PIEZO2: variants seen among roughly 807,000 people sequenced by gnomAD.
PIEZO2 encodes piezo-type mechanosensitive ion channel component 2.
In PIEZO2, 172 loss-of-function variants were observed where a neutral mutation model predicts 337.3. That is an observed-to-expected ratio of 0.51 (90% CI 0.45 to 0.58). PIEZO2 has a LOEUF of 0.58. Among genes scored for constraint, PIEZO2 ranks in the 20% least tolerant of loss-of-function variants. The pLI, the probability that PIEZO2 is intolerant of heterozygous loss-of-function variation, is 0.00. For synonymous variants in PIEZO2, 1,251 were observed against 1,228.5 expected (o/e 1.02, Z -0.38); for missense variants, 3,028 against 3,391.3 (o/e 0.89, Z 2.66).
chr18:11,122,571 T>C (rs1175217636), intron 1 of PIEZO2, among the ~76,000 whole-genome samples: 5 of 152,216 alleles, frequency 3.3e-5, no homozygotes, highest in Non-Finnish European at 1.5e-5. Flanking sequence ...CAATAATGCA[T>C]AGAAAAAAAC....
intron 7 of PIEZO2, among the ~76,000 whole-genome samples, chr18:10,841,098 C>T (rs923721480): frequency 9.9e-5 from 15 of 152,228 alleles, no homozygotes; most frequent in African/African-American, 3.6e-4. Context: ...AATTTTATTT[C>T]TTGTTCAGGT....
At chr18:10,965,727 ACC>A (rs2033969350) in intron 3 of PIEZO2, among the ~76,000 whole-genome samples, 3 of 152,310 alleles carry the variant, frequency 2.0e-5, no homozygotes, top group Admixed American at 2.0e-4. Flanking sequence ...AATCAAAACC[ACC>A]CAGGGAAAGA....
At chr18:10,968,770 G>A (rs957676743) in intron 3 of PIEZO2, among the ~76,000 whole-genome samples, 4 of 151,958 alleles carry the variant, frequency 2.6e-5, no homozygotes, top group South Asian at 2.1e-4. Flanking sequence ...TTACATTAAC[G>A]TTTGATATAA....
chr18:10,795,489 A>T lies in PIEZO2; in HGVS notation c.1528-487T>A, dbSNP rs72986064. The stretch of plus-strand genomic sequence containing the variant: ...AAAAATGGTATACTCCTGTGAGCTC[A>T]GAATGAGAGATTTGCTGCAGTTTAA... On this transcript the variant is annotated intron_variant, in intron 12 of 55. Coordinates refer to ENST00000674853, the MANE Select transcript of PIEZO2 (RefSeq NM_001378183.1). The surrounding 1 kb of genome is among the most constrained non-coding windows in gnomAD (Gnocchi z 4.4). 0.28 allele frequency among the ~76,000 whole-genome samples: 42,473 copies of T among 151,826 alleles called. 6,976 individuals are homozygous for T. The highest frequency in any genetic ancestry group is 0.41 in the Middle Eastern group (120 of 294).
intron 3 of PIEZO2, among the ~76,000 whole-genome samples, chr18:10,920,647 C>T (rs1398701311): frequency 6.6e-6 from 1 of 152,118 alleles, no homozygotes; most frequent in Non-Finnish European, 1.5e-5. Context: ...TCTGCTACTT[C>T]AGCAAGAGTA....
rs1165433456 is a variant in PIEZO2 at position 10,705,707 on chromosome 18, C to T, written c.5628G>A (p.Gly1876=). 1.3e-6 allele frequency: 2 copies of T among 1,536,354 alleles called. No homozygotes were observed. The highest frequency in any genetic ancestry group is 2.4e-5 in the East Asian group (1 of 40,900). The change falls in exon 41 of 56, where the codon GGG becomes GGA. Residue 1876 remains glycine, a synonymous_variant. Coordinates refer to ENST00000674853, the MANE Select transcript of PIEZO2 (RefSeq NM_001378183.1). ...TQCTMLYSRQ[G]TTETIEEVEA... ...CCACCTCCTCGATGGTCTCAGTGGT[C>T]CCCTGGCGTGAGTACAGCATGGTAC...
At chr18:10,996,518 A>T (rs998956641) in intron 2 of PIEZO2, among the ~76,000 whole-genome samples, 1 of 151,934 alleles carries the variant, frequency 6.6e-6, no homozygotes, top group African/African-American at 2.4e-5. Context: ...CCCCATCCCA[A>T]CCCCTGGCAA....
At chr18:10,697,095 C>G in intron 45 of PIEZO2, among the ~76,000 whole-genome samples, 1 of 152,184 alleles carries the variant, frequency 6.6e-6, no homozygotes, top group East Asian at 1.9e-4. Flanking sequence ...CTCCCCTGGC[C>G]TTTTATCTAT....
At chr18:10,694,203 T>G (rs2034986047) in intron 47 of PIEZO2, among the ~76,000 whole-genome samples, 1 of 151,724 alleles carries the variant, frequency 6.6e-6, no homozygotes, top group African/African-American at 2.4e-5. Context: ...TAATAATAAT[T>G]TTTATAATTA....
At position 10,821,507 on chromosome 18, in the gene PIEZO2, T is replaced by C. The variant is rs1360018288; in HGVS notation, c.918-14233A>G. On this transcript the variant is annotated intron_variant, in intron 7 of 55. Coordinates refer to ENST00000674853, the MANE Select transcript of PIEZO2 (RefSeq NM_001378183.1). This position sits in a 1 kb window ranked among gnomAD's most constrained non-coding sequence, Gnocchi z 4.2. The stretch of plus-strand genomic sequence containing the variant: ...CAATATTTTTATCAAAGGCTTACTA[T>C]ATATAAACACTATATGAATAATAAA... Among the ~76,000 whole-genome samples the C allele has an allele frequency of 6.6e-6, 1 of 152,234 alleles. No individual in the cohort carries two copies. The highest frequency in any genetic ancestry group is 1.5e-5 in the Non-Finnish European group (1 of 68,042).
intron 45 of PIEZO2, 98 bp from the exon 46 acceptor site, chr18:10,696,637 C>A: frequency 7.2e-7 from 1 of 1,393,976 alleles, no homozygotes; most frequent in Non-Finnish European, 9.9e-7. Flanking sequence ...CCTCTGCATT[C>A]CTCTTTCCAG....
intron 7 of PIEZO2, among the ~76,000 whole-genome samples, chr18:10,817,890 TC>T (rs2040409083): frequency 2.1e-5 from 3 of 143,144 alleles, no homozygotes; most frequent in Admixed American, 1.5e-4. Flanking sequence ...GCCACTGCAC[TC>T]CAGCCTGGGC....
intron 9 of PIEZO2, among the ~76,000 whole-genome samples, chr18:10,801,826 C>G (rs2039826747): frequency 6.6e-6 from 1 of 152,104 alleles, no homozygotes; most frequent in Non-Finnish European, 1.5e-5. Context: ...GTAGCTCACG[C>G]CTGTAATCCC....
chr18:10,811,658 T>C (rs1373400427), intron 7 of PIEZO2, among the ~76,000 whole-genome samples: 1 of 152,134 alleles, frequency 6.6e-6, no homozygotes, highest in Non-Finnish European at 1.5e-5. Context: ...AATAAGAGGG[T>C]AACAAAGGCA....
rs966150138 is a variant in PIEZO2 at position 10,828,661 on chromosome 18, C to A, written c.918-21387G>T. ...CAAATCCTTATGCCAATAATAGCAC[C>A]ATGCGGGTGGCAATACTGGTCATAT... On this transcript the variant is annotated intron_variant, in intron 7 of 55. Coordinates refer to ENST00000674853, the MANE Select transcript of PIEZO2 (RefSeq NM_001378183.1). This position sits in a 1 kb window ranked among gnomAD's most constrained non-coding sequence, Gnocchi z 4.1. 6.6e-6 allele frequency among the ~76,000 whole-genome samples: 1 copy of A among 152,126 alleles called. No homozygotes were observed. The highest frequency in any genetic ancestry group is 1.5e-5 in the Non-Finnish European group (1 of 68,026).
chr18:10,868,520 T>TGA lies in PIEZO2; in HGVS notation c.492+2731_492+2732dup, dbSNP rs533548911. Among the ~76,000 whole-genome samples the TGA allele has an allele frequency of 4.6e-3, 698 of 152,288 alleles. 1 individual carries two copies. Among genetic ancestry groups the TGA allele is most frequent in the Non-Finnish European group, 8.0e-3 (543 of 68,024 alleles). ...AACGTGACAAGAGAATAAAAATCAATGATGTAAAATAGCCCCAAACAAATG... is the reference window on the plus strand; with the variant it reads ...AACGTGACAAGAGAATAAAAATCAATGAGATGTAAAATAGCCCCAAACAAATG... On this transcript the variant is annotated intron_variant, in intron 5 of 55. Transcript: ENST00000674853.
In PIEZO2 at chr18:11,148,528, C is replaced by T; in HGVS notation, c.61G>A (p.Val21Ile). 1 of 1,537,226 alleles carries T rather than the reference C, an allele frequency of 6.5e-7. No individual in the cohort carries two copies. The highest frequency in any genetic ancestry group is 8.7e-7 in the Non-Finnish European group (1 of 1,146,916). ...FRLLLPICLA[V>I]ACAFRYNGLS... ...TCGGAAAGCGGACCAGACTCACCTA[C>T]TGCCAGGCAGATGGGCAGCAGCAGC... The change falls in exon 1 of 56, where the codon GTA becomes ATA. Residue 21 changes from valine (V) to isoleucine (I), a missense_variant. Val to Ile is a conservative substitution (Grantham distance 29, BLOSUM62 3). Around this residue, in one of 5 missense-constraint regions of PIEZO2, gnomAD observed 542 missense variants for 605.6 expected, o/e 0.89. Transcript: ENST00000674853. The surrounding 1 kb of genome is among the most constrained non-coding windows in gnomAD (Gnocchi z 5.2).
At chr18:10,893,598 G>A (rs2042814931) in intron 4 of PIEZO2, 1 of 152,208 alleles carries the variant, frequency 6.6e-6, no homozygotes, top group Admixed American at 6.5e-5. Flanking sequence ...TTTCAGATGG[G>A]TGAGCAGTTC....
At chr18:10,975,936 T>C (rs1598770115) in intron 3 of PIEZO2, among the ~76,000 whole-genome samples, 1 of 152,244 alleles carries the variant, frequency 6.6e-6, no homozygotes, top group East Asian at 1.9e-4. Flanking sequence ...TTTTGTCTTT[T>C]TATTTGAACT....
Sources: gnomAD v4.1 joint callset for allele counts (sites outside exome capture counted in the v4.1 genomes callset) on GRCh38, gnomAD v4.1.1 for gene constraint, gnomAD v4.1.1 regional missense constraint, Gnocchi (gnomAD v3.1) non-coding constraint, MANE v1.5 for transcripts, NCBI Gene and HGNC (gene_info 2026-07-23, HGNC 2026-07-21) for gene names.